The following POC1B variants were observed in gnomAD, a reference collection of about 807,000 sequenced individuals.
POC1B encodes the protein POC1 centriolar protein homolog B.
POC1B carries 44 observed loss-of-function variants against 60.6 expected under a neutral mutation model. The ratio of observed to expected loss-of-function variants is 0.73; its 90% CI spans 0.57 to 0.93. The LOEUF (loss-of-function observed/expected upper bound fraction) is 0.93, where lower values mean the gene tolerates loss of function less well. Among genes scored for constraint, POC1B ranks in the 40% least tolerant of loss-of-function variants. The probability of loss-of-function intolerance (pLI) is 0.00; values close to 1 mark genes in which losing one functional copy is unlikely to be tolerated. For synonymous variants in POC1B, 180 were observed against 198.9 expected (o/e 0.90, Z 0.80); for missense variants, 555 against 572.3 (o/e 0.97, Z 0.31).
At chr12:89,474,507 GTTA>G in intron 4 of POC1B, among the ~76,000 whole-genome samples, 1 of 152,064 alleles carries the variant, frequency 6.6e-6, no homozygotes. Context: ...TCCTAGAACG[GTTA>G]TTAACACATT....
chr12:89,414,657 T>C, the POC1B span, among the ~76,000 whole-genome samples: 3,875 of 152,354 alleles, frequency 0.025, 73 homozygotes, highest in Non-Finnish European at 0.036. Context: ...ATATCAATTA[T>C]ATAATTTCAC....
intron 2 of POC1B, chr12:89,523,288 C>T (rs1018063782): frequency 6.2e-7 from 1 of 1,613,958 alleles, no homozygotes; most frequent in African/African-American, 1.3e-5. Context: ...AAAGCTCTTG[C>T]ATCTCAACCG....
intron 7 of POC1B, among the ~76,000 whole-genome samples, chr12:89,468,796 A>T (rs1882778677): frequency 6.6e-6 from 1 of 152,202 alleles, no homozygotes; most frequent in South Asian, 2.1e-4. Flanking sequence ...GCCAGGCAGA[A>T]CCTGTGAAAA....
intron 2 of POC1B, chr12:89,502,036 A>G: frequency 1.0e-6 from 1 of 987,808 alleles, no homozygotes; most frequent in Non-Finnish European, 1.6e-6. Context: ...GAATGAAGAT[A>G]ATATTATGAC....
rs1335769572 is a variant in POC1B, at chr12:89,525,963, G to A, written c.-68C>T. 5 of 1,544,690 alleles carry A rather than the reference G, an allele frequency of 3.2e-6. No individual in the cohort carries two copies. The highest frequency in any genetic ancestry group is 4.4e-6 in the Non-Finnish European group (5 of 1,144,458). On this transcript the variant is annotated 5_prime_UTR_variant, in exon 1 of 12. Transcript: ENST00000313546. ...CGGAGAGGGGAGGGGAGAGGATGGG[G>A]AAGGAGAGGGGACCGTGCGGCTCCC...
At chr12:89,482,894 G>A (rs1050166426) in intron 4 of POC1B, among the ~76,000 whole-genome samples, 3 of 151,386 alleles carry the variant, frequency 2.0e-5, no homozygotes, top group African/African-American at 7.3e-5. Context: ...GGAGGTAATT[G>A]AATCATGGGG....
chr12:89,443,385 G>A (rs1881618856), intron 10 of POC1B, among the ~76,000 whole-genome samples: 1 of 152,198 alleles, frequency 6.6e-6, no homozygotes. Flanking sequence ...TAAAAGAACA[G>A]AAATGATAAC....
intron 2 of POC1B, among the ~76,000 whole-genome samples, chr12:89,507,558 A>G (rs1158822532): frequency 6.6e-6 from 1 of 152,184 alleles, no homozygotes; most frequent in East Asian, 1.9e-4. Context: ...AAAAGGGAGG[A>G]AATTAAGGGA....
At chr12:89,465,756 C>T (rs1363857977) in intron 9 of POC1B, among the ~76,000 whole-genome samples, 1 of 151,988 alleles carries the variant, frequency 6.6e-6, no homozygotes, top group African/African-American at 2.4e-5. Flanking sequence ...AAGATTATAG[C>T]CAAGAACTGA....
chr12:89,456,598 ATTT>A (rs1380728181), intron 10 of POC1B, among the ~76,000 whole-genome samples: 8 of 152,324 alleles, frequency 5.3e-5, no homozygotes, highest in Non-Finnish European at 1.0e-4. Context: ...TGAGAACAAT[ATTT>A]TAAAACTATG....
intron 8 of POC1B, 43 bp from the exon 9 acceptor site, chr12:89,466,965 G>C: frequency 6.4e-7 from 1 of 1,561,680 alleles, no homozygotes; most frequent in Middle Eastern, 2.1e-4. Context: ...TGACTTGCAT[G>C]TACAAGCAAT....
chr12:89,522,912 CA>C (rs1350938813), intron 2 of POC1B: 1 of 1,613,934 alleles, frequency 6.2e-7, no homozygotes, highest in Non-Finnish European at 8.5e-7. Flanking sequence ...CACTAAGACA[CA>C]GTCCTGAGTG....
At chr12:89,421,425 T>C (rs751970681) in intron 11 of POC1B, among the ~76,000 whole-genome samples, 168 bp from the exon 12 acceptor site, 22 of 151,724 alleles carry the variant, frequency 1.5e-4, no homozygotes, top group Non-Finnish European at 2.4e-4. Context: ...GGCCCAACCA[T>C]AGGGCAAGGC....
chr12:89,459,928 T>C, intron 9 of POC1B: 1 of 492,986 alleles, frequency 2.0e-6, no homozygotes, highest in Non-Finnish European at 3.6e-6. Flanking sequence ...TAAGGTTGAA[T>C]TCACCCCAGA....
chr12:89,413,764 T>A, the POC1B span, among the ~76,000 whole-genome samples: 1 of 152,344 alleles, frequency 6.6e-6, no homozygotes, highest in Admixed American at 6.5e-5. Flanking sequence ...TGCAGTTTTT[T>A]ACATATATGT....
At chr12:89,512,576 T>C (rs1224329677) in intron 2 of POC1B, among the ~76,000 whole-genome samples, 1 of 152,112 alleles carries the variant, frequency 6.6e-6, no homozygotes, top group Non-Finnish European at 1.5e-5. Flanking sequence ...CTCAGCAATA[T>C]AGCGAGGCTC....
chr12:89,437,999 C>T (rs889867435), intron 10 of POC1B, among the ~76,000 whole-genome samples: 6 of 149,674 alleles, frequency 4.0e-5, no homozygotes, highest in South Asian at 2.1e-4. Context: ...TGCAGTGAGC[C>T]GACATTGTGC....
intron 10 of POC1B, among the ~76,000 whole-genome samples, chr12:89,449,965 C>T (rs1348045876): frequency 1.3e-5 from 2 of 151,996 alleles, no homozygotes; most frequent in Non-Finnish European, 2.9e-5. Flanking sequence ...TAAATCTGTA[C>T]CTCATACCTA....
At chr12:89,453,308 T>C (rs963152756) in intron 10 of POC1B, among the ~76,000 whole-genome samples, 3 of 152,222 alleles carry the variant, frequency 2.0e-5, no homozygotes, top group Admixed American at 6.5e-5. Flanking sequence ...CCACTTGACA[T>C]TTACTATCAT....
Sources: gnomAD v4.1 joint callset for allele counts (sites outside exome capture counted in the v4.1 genomes callset) on GRCh38, gnomAD v4.1.1 for gene constraint, MANE v1.5 for transcripts, NCBI Gene and HGNC (gene_info 2026-07-23, HGNC 2026-07-21) for gene names.